The following PRKAG2 variants were observed in gnomAD, a reference collection of about 807,000 sequenced individuals.
PRKAG2 encodes 5'-AMP-activated protein kinase subunit gamma-2.
Under a neutral mutation model 69.6 loss-of-function variants are expected in PRKAG2, and 26 were observed. The ratio of observed to expected loss-of-function variants is 0.37; its 90% CI spans 0.27 to 0.52. The LOEUF is 0.52. Ranked by LOEUF, PRKAG2 falls within the 20% of genes least tolerant of loss-of-function variation. The pLI is 0.90. For missense variants in PRKAG2, 557 were observed against 740.0 expected, an observed-to-expected ratio of 0.75 and a Z score of 2.87; for synonymous variants, 293 against 285.0, an observed-to-expected ratio of 1.03 and a Z score of -0.28.
intron 1 of PRKAG2, among the ~76,000 whole-genome samples, chr7:151,873,517 A>T (rs1329390551): frequency 6.6e-6 from 1 of 152,194 alleles, no homozygotes; most frequent in Non-Finnish European, 1.5e-5. Flanking sequence ...CCTCCCTGGT[A>T]CCCAAAGCAA....
intron 3 of PRKAG2, among the ~76,000 whole-genome samples, chr7:151,696,453 C>T (rs1460447614): frequency 2.6e-5 from 4 of 152,192 alleles, no homozygotes; most frequent in African/African-American, 9.7e-5. Context: ...AGGAAGTGAG[C>T]GCTTCTCAGG....
At chr7:151,663,090 C>CA (rs1016790235) in intron 4 of PRKAG2, among the ~76,000 whole-genome samples, 8 of 151,640 alleles carry the variant, frequency 5.3e-5, no homozygotes, top group Non-Finnish European at 8.8e-5. Context: ...CAAAACAAAA[C>CA]AAAAAAACGA....
chr7:151,735,841 C>A, intron 3 of PRKAG2: 2 of 1,533,422 alleles, frequency 1.3e-6, no homozygotes, highest in South Asian at 2.4e-5. Flanking sequence ...TGCACACACG[C>A]CGTGGGGTTC....
At chr7:151,622,915 G>A (rs1371847933) in intron 5 of PRKAG2, among the ~76,000 whole-genome samples, 1 of 152,020 alleles carries the variant, frequency 6.6e-6, no homozygotes, top group African/African-American at 2.4e-5. Flanking sequence ...CTAATGCAGC[G>A]GTCCCCATAC....
chr7:151,875,616 CACAA>C (rs1272398599), intron 1 of PRKAG2, among the ~76,000 whole-genome samples: 2 of 95,872 alleles, frequency 2.1e-5, no homozygotes, highest in South Asian at 4.2e-4. Context: ...TGTGTGTGTA[CACAA>C]ACATTTACTT....
At chr7:151,846,993 G>A (rs923410541) in intron 1 of PRKAG2, among the ~76,000 whole-genome samples, 1 of 152,238 alleles carries the variant, frequency 6.6e-6, no homozygotes, top group East Asian at 1.9e-4. Flanking sequence ...CACCAAGGCT[G>A]TTACTAATGT....
At chr7:151,813,510 C>T (rs1370742557) in intron 1 of PRKAG2, among the ~76,000 whole-genome samples, 2 of 139,264 alleles carry the variant, frequency 1.4e-5, no homozygotes, top group Non-Finnish European at 3.2e-5. Context: ...AAAAAAAGGA[C>T]ATGGCTTACT....
At chr7:151,767,242 C>T (rs1015134118) in intron 3 of PRKAG2, among the ~76,000 whole-genome samples, 1 of 152,168 alleles carries the variant, frequency 6.6e-6, no homozygotes. Flanking sequence ...GCCGGCCCTG[C>T]CCACACCCTG....
chr7:151,758,263 G>A (rs1397801863), intron 3 of PRKAG2, among the ~76,000 whole-genome samples: 2 of 152,128 alleles, frequency 1.3e-5, no homozygotes, highest in Non-Finnish European at 2.9e-5. Context: ...TTCTTGCTCC[G>A]TGGGGGCCAG....
rs1297780392 is a variant in PRKAG2 at position 151,828,873 on chromosome 7, T to G, written c.115-42332A>C. ...CTGCAGTGAGCTATGATCACACCAA[T>G]GTACTCCAGCCTGGGCAATAAAGAG... On this transcript the variant is annotated intron_variant, in intron 1 of 15. Transcript: ENST00000287878. This position sits in a 1 kb window ranked among gnomAD's most constrained non-coding sequence, Gnocchi z 4.6. Among the ~76,000 whole-genome samples, 2 of 152,064 alleles carry G rather than the reference T, an allele frequency of 1.3e-5. No individual in the cohort carries two copies. The highest frequency in any genetic ancestry group is 6.6e-5 in the Admixed American group (1 of 15,262).
chr7:151,775,049 T>G (rs1256765719), intron 3 of PRKAG2, among the ~76,000 whole-genome samples: 3 of 152,202 alleles, frequency 2.0e-5, no homozygotes, highest in Non-Finnish European at 4.4e-5. Flanking sequence ...GATGTGAGGC[T>G]GCATCGCCCT....
chr7:151,855,069 CA>C lies in PRKAG2; in HGVS notation c.114+21437del, dbSNP rs2079686916. 9.2e-5 allele frequency among the ~76,000 whole-genome samples: 5 copies of C among 54,248 alleles called. 1 individual carries two copies. The highest frequency in any genetic ancestry group is 4.1e-4 in the Admixed American group (2 of 4,864). 35.6% of individuals were successfully genotyped at this position (54,248 alleles called of 152,430 possible). A position where few individuals can be genotyped will look rare whatever the true frequency, so the allele number is the denominator to read the frequency against. ...CGCCCTCCACACACACCATCCTCCA[CA>C]CACACCATCCTCCACACACACCATC... is the stretch of plus-strand genomic sequence containing the variant. On this transcript the variant is annotated intron_variant, in intron 1 of 15. Coordinates refer to ENST00000287878, the MANE Select transcript of PRKAG2 (RefSeq NM_016203.4).
chr7:151,693,837 G>A (rs919565595), intron 3 of PRKAG2, among the ~76,000 whole-genome samples: 2 of 152,178 alleles, frequency 1.3e-5, no homozygotes, highest in Non-Finnish European at 2.9e-5. Flanking sequence ...CCTTGGTCTT[G>A]GACTCTAGCC....
chr7:151,573,330 T>TG (rs1329570815), intron 8 of PRKAG2, among the ~76,000 whole-genome samples: 1 of 132,010 alleles, frequency 7.6e-6, no homozygotes, highest in South Asian at 2.4e-4. Context: ...CTAATTTTTG[T>TG]GGGTTTTTTT....
At chr7:151,822,429 G>C (rs1445512162) in intron 1 of PRKAG2, among the ~76,000 whole-genome samples, 1 of 152,222 alleles carries the variant, frequency 6.6e-6, no homozygotes, top group Non-Finnish European at 1.5e-5. Flanking sequence ...GGCGCTGTGG[G>C]AGTAAAAAGG....
chr7:151,589,798 G>A (rs557139229), intron 6 of PRKAG2, among the ~76,000 whole-genome samples: 22 of 152,312 alleles, frequency 1.4e-4, no homozygotes, highest in Non-Finnish European at 2.2e-4. Flanking sequence ...AGCCAGGTGT[G>A]GTAGTGGGTG....
At chr7:151,757,710 G>A (rs906254711) in intron 3 of PRKAG2, among the ~76,000 whole-genome samples, 2 of 152,142 alleles carry the variant, frequency 1.3e-5, no homozygotes, top group African/African-American at 4.8e-5. Context: ...CGTTCCAGAC[G>A]CATTCTGCTG....
intron 3 of PRKAG2, among the ~76,000 whole-genome samples, chr7:151,717,956 T>G (rs1214288337): frequency 6.6e-6 from 1 of 152,162 alleles, no homozygotes; most frequent in African/African-American, 2.4e-5. Context: ...CCACGCAGCA[T>G]CTTTTTACAC....
rs767255175 is a variant in PRKAG2, at chr7:151,574,949, C to A, written c.947G>T (p.Gly316Val). Residue 316 changes from glycine to valine, a missense_variant and splice_region_variant, in exon 8 of 16, where the codon GGA (glycine) becomes GTA (valine). Physicochemically the swap from Gly to Val is moderately radical, Grantham distance 109. This residue lies in a region of PRKAG2 where 205 missense variants were observed against 383.4 expected (regional missense o/e 0.53). Transcript: ENST00000287878. ...TATGAAATCTGTAATTGTTAGCATT[C>A]CTGGAACAAAGAATTACATGTTACA... ...LWESKKQSFV[G>V]MLTITDFINI... 1 of 1,611,912 alleles carries A rather than the reference C, an allele frequency of 6.2e-7. No individual in the cohort carries two copies. Among genetic ancestry groups the A allele is most frequent in the Non-Finnish European group, 8.5e-7 (1 of 1,179,418 alleles).
Sources: gnomAD v4.1 joint callset for allele counts (sites outside exome capture counted in the v4.1 genomes callset) on GRCh38, gnomAD v4.1.1 for gene constraint, gnomAD v4.1.1 regional missense constraint, Gnocchi (gnomAD v3.1) non-coding constraint, MANE v1.5 for transcripts, NCBI Gene and HGNC (gene_info 2026-07-23, HGNC 2026-07-21) for gene names.